KHDRBS2: variants seen among roughly 807,000 people sequenced by gnomAD.
KHDRBS2 encodes KH RNA binding domain containing, signal transduction associated 2, also known as KH domain-containing, RNA-binding, signal transduction-associated protein 2.
Under a neutral mutation model 44.3 loss-of-function variants are expected in KHDRBS2, and 26 were observed. The ratio of observed to expected loss-of-function variants is 0.59; its 90% CI spans 0.43 to 0.81. The LOEUF is 0.81. Among genes scored for constraint, KHDRBS2 ranks in the 40% least tolerant of loss-of-function variants. KHDRBS2 has a pLI of 0.00. For missense variants in KHDRBS2, 476 were observed against 433.1 expected (o/e 1.10, Z -0.88); for synonymous variants, 194 against 151.1 (o/e 1.28, Z -2.08).
At chr6:62,055,353 C>T (rs1213404372) in intron 2 of KHDRBS2, among the ~76,000 whole-genome samples, 1 of 151,904 alleles carries the variant, frequency 6.6e-6, no homozygotes, top group African/African-American at 2.4e-5. Flanking sequence ...ATAATTTAAA[C>T]AAATCAAATT....
At chr6:62,106,989 C>A (rs9346077) in intron 2 of KHDRBS2, among the ~76,000 whole-genome samples, 70,572 of 151,760 alleles carry the variant, frequency 0.47, 17,614 homozygotes, top group Non-Finnish European at 0.55. Context: ...CAATATCATA[C>A]TGAATGGGCA....
At chr6:62,146,139 C>T (rs1446824098) in intron 2 of KHDRBS2, among the ~76,000 whole-genome samples, 1 of 151,748 alleles carries the variant, frequency 6.6e-6, no homozygotes, top group Non-Finnish European at 1.5e-5. Flanking sequence ...ATACATCTCC[C>T]CTTGAGAATT....
intron 2 of KHDRBS2, among the ~76,000 whole-genome samples, chr6:62,075,284 CT>C (rs1250474686): frequency 6.6e-6 from 1 of 151,858 alleles, no homozygotes; most frequent in African/African-American, 2.4e-5. Flanking sequence ...TGTTCACCCC[CT>C]CCACCATGTG....
chr6:61,788,898 G>T (rs564350358), intron 6 of KHDRBS2, among the ~76,000 whole-genome samples: 3 of 151,004 alleles, frequency 2.0e-5, no homozygotes, highest in Admixed American at 1.3e-4. Flanking sequence ...TTTAACCCAA[G>T]ATACATATAA....
the KHDRBS2 span, among the ~76,000 whole-genome samples, chr6:61,604,918 G>A: frequency 2.9e-4 from 44 of 152,002 alleles, no homozygotes; most frequent in Admixed American, 2.2e-3. Context: ...GTCCAATAAT[G>A]GACTGACCTT....
chr6:61,882,780 C>T (rs1800387199), intron 6 of KHDRBS2, among the ~76,000 whole-genome samples: 2 of 151,944 alleles, frequency 1.3e-5, no homozygotes. Flanking sequence ...AGAAAAGGCC[C>T]AAAATGTGGA....
At chr6:62,197,214 C>T (rs1825888535) in intron 1 of KHDRBS2, among the ~76,000 whole-genome samples, 1 of 152,020 alleles carries the variant, frequency 6.6e-6, no homozygotes, top group Non-Finnish European at 1.5e-5. Context: ...GTAAATTTAA[C>T]AGTCTTATGT....
chr6:61,947,083 G>A (rs556148634), intron 4 of KHDRBS2, among the ~76,000 whole-genome samples: 2 of 151,904 alleles, frequency 1.3e-5, no homozygotes, highest in African/African-American at 4.8e-5. Context: ...CAAGAATGAA[G>A]AAGATCTTAA....
rs566311888 is a variant in KHDRBS2 at position 62,208,707 on chromosome 6, T to G, written c.92-31395A>C. On this transcript the variant is annotated intron_variant, in intron 1 of 8. Coordinates refer to ENST00000281156, the MANE Select transcript of KHDRBS2 (RefSeq NM_152688.4). ...GTTTACATTCCTACCAAGAGTATAC[T>G]AGGATTCACTTTTATCCACACCCTT... Among the ~76,000 whole-genome samples, 8 of 152,290 alleles carry G rather than the reference T, an allele frequency of 5.3e-5. No individual in the cohort carries two copies. In the East Asian group the frequency reaches 1.5e-3, roughly 29 times the overall value.
the KHDRBS2 span, among the ~76,000 whole-genome samples, chr6:61,657,956 G>A: frequency 6.6e-6 from 1 of 151,884 alleles, no homozygotes; most frequent in African/African-American, 2.4e-5. Flanking sequence ...AAGTTCTTAA[G>A]CCTTCAAATG....
At chr6:61,546,564 C>T in the KHDRBS2 span, among the ~76,000 whole-genome samples, 1 of 152,010 alleles carries the variant, frequency 6.6e-6, no homozygotes, top group Non-Finnish European at 1.5e-5. Flanking sequence ...AGACACCAAG[C>T]AATTCTAATA....
chr6:61,734,661 T>C (rs1269491874), intron 6 of KHDRBS2, among the ~76,000 whole-genome samples: 1 of 152,162 alleles, frequency 6.6e-6, no homozygotes, highest in Non-Finnish European at 1.5e-5. Context: ...TCTTATGACA[T>C]AAATTATTTA....
chr6:61,750,554 T>C (rs1777516074), intron 6 of KHDRBS2, among the ~76,000 whole-genome samples: 1 of 152,188 alleles, frequency 6.6e-6, no homozygotes, highest in African/African-American at 2.4e-5. Context: ...CTGTTCAATC[T>C]GCTAACCCAC....
intron 6 of KHDRBS2, among the ~76,000 whole-genome samples, chr6:61,869,964 G>GTTTTTTTTTTTTTTTTTTTTTT (rs59518436): frequency 1.8e-5 from 2 of 108,976 alleles, no homozygotes; most frequent in African/African-American, 7.6e-5. Context: ...CTGCAGGAGT[G>GTTTTTTTTTTTTTTTTTTTTTT]TTTTTTTTTT....
At position 61,680,790 on chromosome 6, in the gene KHDRBS2, C is replaced by T. The variant is rs551958838; in HGVS notation, c.*173G>A. ...TAAAATAATACTAGTGTCAATGTCA[C>T]GCCAACAGTACAGAGGGAAATACTA... On this transcript the variant is annotated 3_prime_UTR_variant, in exon 9 of 9. Coordinates refer to ENST00000281156, the MANE Select transcript of KHDRBS2 (RefSeq NM_152688.4). 32 of 486,396 alleles carry T rather than the reference C, an allele frequency of 6.6e-5. No homozygotes were observed. The highest frequency in any genetic ancestry group is 2.4e-4 in the South Asian group (7 of 28,836). The allele number at this position is 486,396 out of a possible 1,614,324, so 30.1% of individuals were successfully genotyped here. A position where few individuals can be genotyped will look rare whatever the true frequency, so the allele number is the denominator to read the frequency against.
At chr6:62,196,196 T>C (rs1247635658) in intron 1 of KHDRBS2, among the ~76,000 whole-genome samples, 1 of 152,176 alleles carries the variant, frequency 6.6e-6, no homozygotes. Context: ...CCTAGGGTAG[T>C]GGTGCAAATG....
chr6:61,579,079 A>G, the KHDRBS2 span, among the ~76,000 whole-genome samples: 10 of 152,168 alleles, frequency 6.6e-5, no homozygotes, highest in African/African-American at 2.4e-4. Flanking sequence ...GTTTAAATGC[A>G]GAATAAGCAC....
At chr6:61,617,539 G>A in the KHDRBS2 span, among the ~76,000 whole-genome samples, 1 of 151,992 alleles carries the variant, frequency 6.6e-6, no homozygotes, top group Non-Finnish European at 1.5e-5. Flanking sequence ...TGACATGTTA[G>A]GCAGTGAGGG....
intron 3 of KHDRBS2, among the ~76,000 whole-genome samples, chr6:62,016,472 A>T (rs1042635065): frequency 6.6e-6 from 1 of 151,122 alleles, no homozygotes; most frequent in Non-Finnish European, 1.5e-5. Flanking sequence ...AAACATATAC[A>T]CATATGTATA....
Sources: gnomAD v4.1 joint callset for allele counts (sites outside exome capture counted in the v4.1 genomes callset) on GRCh38, gnomAD v4.1.1 for gene constraint, MANE v1.5 for transcripts, NCBI Gene and HGNC (gene_info 2026-07-23, HGNC 2026-07-21) for gene names.